RC3H1: variants seen among roughly 807,000 people sequenced by gnomAD.
RC3H1 encodes ring finger and CCCH-type domains 1.
In RC3H1, 50 loss-of-function variants were observed where a neutral mutation model predicts 138.2. That is an observed-to-expected ratio of 0.36 (90% CI 0.29 to 0.46). The LOEUF (loss-of-function observed/expected upper bound fraction) is 0.46. Among genes scored for constraint, RC3H1 ranks in the 20% least tolerant of loss-of-function variants. RC3H1 has a pLI of 1.00. For missense variants in RC3H1, 1,031 were observed against 1,388.1 expected (o/e 0.74, Z 4.09); for synonymous variants, 462 against 489.1 (o/e 0.94, Z 0.73).
At chr1:173,999,016 C>T (rs1319097080) in intron 1 of RC3H1, among the ~76,000 whole-genome samples, 4 of 151,910 alleles carry the variant, frequency 2.6e-5, no homozygotes, top group African/African-American at 9.7e-5. Context: ...TATGCTTGAT[C>T]CCAGGAGTTC....
chr1:173,941,195 G>T, intron 19 of RC3H1, 70 bp downstream of exon 19: 2 of 859,622 alleles, frequency 2.3e-6, no homozygotes, highest in South Asian at 1.4e-5. Context: ...TTTCTGATAT[G>T]ACTGGATAAT....
Position 173,984,665 on chromosome 1 carries a change from T to C in RC3H1, c.232-46A>G, listed in dbSNP as rs201343908. ...TCTGTATGAGTGCTCAATTCATTAA[T>C]TGTTTTATTTAGTATAGTTTATGCA... On this transcript the variant is annotated intron_variant, in intron 2 of 19. Transcript: ENST00000367696. 1.5e-4 allele frequency: 232 copies of C among 1,589,564 alleles called. 1 individual carries two copies. Among genetic ancestry groups the C allele is most frequent in the South Asian group, 4.5e-4 (39 of 86,788 alleles).
chr1:173,951,469 T>C (rs1659396081), intron 14 of RC3H1, among the ~76,000 whole-genome samples: 2 of 152,334 alleles, frequency 1.3e-5, no homozygotes, highest in South Asian at 4.1e-4. Context: ...GCTGAGCAGC[T>C]ATAATTCTGA....
rs570465744 is a variant in RC3H1 at position 173,961,030 on chromosome 1, A to G, written c.2370+47T>C. 38 of 1,575,070 alleles carry G rather than the reference A, an allele frequency of 2.4e-5. No individual in the cohort carries two copies. In the East Asian group the frequency reaches 6.7e-4, roughly 28 times the overall value. ...TAGGCAAAGATGACTTAAACCGGAC[A>G]CACACAAAAAAACACGGATAAATGA... is the stretch of plus-strand genomic sequence containing the variant. On this transcript the variant is annotated intron_variant, in intron 13 of 19. Coordinates refer to ENST00000367696, the MANE Select transcript of RC3H1 (RefSeq NM_172071.4).
Position 173,965,044 on chromosome 1 carries a change from G to A in RC3H1, c.1411C>T (p.Leu471=), listed in dbSNP as rs758931312. Residue 471 remains leucine (L), a synonymous_variant, in exon 10 of 20, where the codon CTG becomes TTG. Transcript: ENST00000367696. ...TCTGGAAGGATAGCTGCTGAAGGCA[G>A]GCCCACCTCATTAAGTTGACCCAAA... is the stretch of plus-strand genomic sequence containing the variant. ...ASLGQLNEVG[L]PSAAILPDEG... 8 of 1,614,166 alleles carry A rather than the reference G, an allele frequency of 5.0e-6. No individual in the cohort carries two copies. Among genetic ancestry groups the A allele is most frequent in the East Asian group, 2.2e-5 (1 of 44,882 alleles).
intron 1 of RC3H1, among the ~76,000 whole-genome samples, chr1:173,999,618 G>A (rs1223639266): frequency 1.3e-5 from 2 of 152,178 alleles, no homozygotes; most frequent in Admixed American, 6.5e-5. Flanking sequence ...ACAAAATTGT[G>A]ATGACATGAT....
chr1:173,967,864 CCTTATTT>C (rs1660190505), intron 9 of RC3H1, among the ~76,000 whole-genome samples: 1 of 151,876 alleles, frequency 6.6e-6, no homozygotes, highest in Non-Finnish European at 1.5e-5. Context: ...TTCCTTCTTT[CCTTATTT>C]AACAACTAAA....
At chr1:173,976,128 T>C (rs1660570275) in intron 7 of RC3H1, among the ~76,000 whole-genome samples, 1 of 151,382 alleles carries the variant, frequency 6.6e-6, no homozygotes, top group East Asian at 2.0e-4. Flanking sequence ...AAAAAAGCAT[T>C]TCAAGGAAGA....
In RC3H1 at chr1:173,946,486, C is replaced by G; in HGVS notation, c.2951G>C (p.Arg984Pro). ...NHQISQQTQL[R>P]GLEAVSNRLV... ...TCTCTAGGCTGGTACCTCTAGTCCA[C>G]GTAGCTGGGTCTGCTGGCTAATCTG... The change falls in exon 17 of 20, where the codon CGT (arginine) becomes CCT (proline). Residue 984 changes from arginine (R) to proline (P), a missense_variant. Arg to Pro is a moderately radical substitution (Grantham distance 103, BLOSUM62 -2). Around this residue, in one of 7 missense-constraint regions of RC3H1, gnomAD observed 716 missense variants for 837.9 expected, o/e 0.85. Transcript: ENST00000367696. 6.2e-7 allele frequency: 1 copy of G among 1,613,950 alleles called. No homozygotes were observed. Among genetic ancestry groups the G allele is most frequent in the East Asian group, 2.2e-5 (1 of 44,882 alleles).
In RC3H1 at chr1:174,022,224, T is replaced by A; in HGVS notation, c.-279A>T. The A allele has an allele frequency of 2.5e-6, 1 of 393,056 alleles. No homozygotes were observed. Among genetic ancestry groups the A allele is most frequent in the Non-Finnish European group, 4.5e-6 (1 of 222,972 alleles). The allele number at this position is 393,056 out of a possible 1,614,324, so 24.3% of individuals were successfully genotyped here. ...CTGTCCCAGGCCGCCGGGCCACGGC[T>A]GCCGCCGCCACCGCCAGCACCGCCT... is the stretch of plus-strand genomic sequence containing the variant. On this transcript the variant is annotated 5_prime_UTR_variant, in exon 1 of 20. Transcript: ENST00000367696. The surrounding 1 kb of genome is among the most constrained non-coding windows in gnomAD (Gnocchi z 4.2).
At chr1:174,014,411 T>C (rs1399271924) in intron 1 of RC3H1, among the ~76,000 whole-genome samples, 1 of 152,088 alleles carries the variant, frequency 6.6e-6, no homozygotes, top group Non-Finnish European at 1.5e-5. Flanking sequence ...TAGCCACATA[T>C]AGTTAGTGGC....
At chr1:173,946,649 C>A in intron 16 of RC3H1, 41 bp from the exon 17 acceptor site, 3 of 1,608,722 alleles carry the variant, frequency 1.9e-6, no homozygotes, top group Non-Finnish European at 2.6e-6. Context: ...TTTAACATTT[C>A]ATTTTGTTAA....
chr1:173,957,349 C>CA (rs1214171628), intron 13 of RC3H1, among the ~76,000 whole-genome samples: 4 of 152,108 alleles, frequency 2.6e-5, no homozygotes, highest in African/African-American at 9.7e-5. Flanking sequence ...CCTCAGGATT[C>CA]AGGGAGGCTA....
At position 173,964,014 on chromosome 1, in the gene RC3H1, C is replaced by T. The variant is rs778003581; in HGVS notation, c.1790G>A (p.Arg597Gln). ...TGGTTCAAATGGCGGAGCTGCTCCT[C>T]GAGGATCCTGATAATAAACATCCGT... ...QQTDVYYQDP[R>Q]GAAPPFEPAP... The change falls in exon 11 of 20, where the codon CGA (arginine) becomes CAA (glutamine). Residue 597 changes from arginine to glutamine, a missense_variant. Transcript: ENST00000367696. 1.1e-5 allele frequency: 18 copies of T among 1,613,958 alleles called. No homozygotes were observed. The Admixed American group carries it at 1.7e-4, about 15-fold the overall frequency.
chr1:173,945,566 A>G (rs1445074589), intron 17 of RC3H1, among the ~76,000 whole-genome samples: 1 of 152,224 alleles, frequency 6.6e-6, no homozygotes, highest in Non-Finnish European at 1.5e-5. Flanking sequence ...AAGGAGGACA[A>G]TACCACCTGC....
intron 19 of RC3H1, 128 bp from the exon 20 acceptor site, chr1:173,938,999 C>T (rs1658715768): frequency 1.5e-6 from 1 of 652,204 alleles, no homozygotes; most frequent in African/African-American, 1.9e-5. Context: ...TCTACAGCCC[C>T]TTATCCATGT....
chr1:173,978,436 A>G, intron 7 of RC3H1, 52 bp downstream of exon 7: 4 of 1,570,982 alleles, frequency 2.5e-6, no homozygotes, highest in Non-Finnish European at 3.5e-6. Context: ...AGAATCATTG[A>G]GCAGCACGAA....
intron 1 of RC3H1, among the ~76,000 whole-genome samples, chr1:174,010,740 C>G (rs1246290622): frequency 6.6e-6 from 1 of 152,050 alleles, no homozygotes; most frequent in Admixed American, 6.6e-5. Flanking sequence ...ATAGTTCTTG[C>G]CTTCCTCTAC....
chr1:173,973,342 C>T (rs535362809), intron 7 of RC3H1, among the ~76,000 whole-genome samples: 1 of 152,184 alleles, frequency 6.6e-6, no homozygotes, highest in South Asian at 2.1e-4. Flanking sequence ...TGGAGACCAT[C>T]CTGGCCAGCA....
Sources: allele counts gnomAD v4.1 joint callset (sites outside exome capture counted in the v4.1 genomes callset), GRCh38; gene constraint gnomAD v4.1.1; regional missense constraint gnomAD v4.1.1; non-coding constraint Gnocchi (gnomAD v3.1); transcripts MANE v1.5; gene names NCBI Gene and HGNC (gene_info 2026-07-23, HGNC 2026-07-21).